PDE8A: variants seen among roughly 807,000 people sequenced by gnomAD.
PDE8A encodes high affinity cAMP-specific and IBMX-insensitive 3',5'-cyclic phosphodiesterase 8A.
In PDE8A, 59 loss-of-function variants were observed where a neutral mutation model predicts 105.0. That is an observed-to-expected ratio of 0.56 (90% CI 0.46 to 0.70). The LOEUF is 0.70. Among genes scored for constraint, PDE8A ranks in the 30% least tolerant of loss-of-function variants. The pLI is 0.00. For synonymous variants in PDE8A, 355 were observed against 371.9 expected (o/e 0.95, Z 0.52); for missense variants, 1,014 against 1,045.9 (o/e 0.97, Z 0.42).
chr15:85,101,530 C>G (rs935266415), intron 11 of PDE8A, among the ~76,000 whole-genome samples: 1 of 152,152 alleles, frequency 6.6e-6, no homozygotes, highest in African/African-American at 2.4e-5. Context: ...TCCTTAAATG[C>G]TAGGTGGGAA....
intron 18 of PDE8A, among the ~76,000 whole-genome samples, chr15:85,122,782 T>C (rs2082201772): frequency 6.6e-6 from 1 of 152,200 alleles, no homozygotes; most frequent in African/African-American, 2.4e-5. Flanking sequence ...GTATATTCTT[T>C]CTAACCACAG....
intron 11 of PDE8A, among the ~76,000 whole-genome samples, chr15:85,103,226 G>C (rs1413820625): frequency 1.3e-5 from 2 of 152,140 alleles, no homozygotes. Context: ...TCTAAAAAAA[G>C]AAAAAAGTTG....
intron 1 of PDE8A, among the ~76,000 whole-genome samples, chr15:85,004,019 C>T (rs777308855): frequency 1.3e-5 from 2 of 152,160 alleles, no homozygotes; most frequent in Non-Finnish European, 2.9e-5. Flanking sequence ...TAGAAGTGGT[C>T]CATGTCAGAT....
At chr15:84,991,015 G>A (rs1007433985) in intron 1 of PDE8A, among the ~76,000 whole-genome samples, 8 of 152,080 alleles carry the variant, frequency 5.3e-5, no homozygotes, top group African/African-American at 1.9e-4. Context: ...TGTGCTTGTT[G>A]TTCATTTACT....
At chr15:85,121,850 A>G (rs551402057) in intron 18 of PDE8A, among the ~76,000 whole-genome samples, 1 of 152,274 alleles carries the variant, frequency 6.6e-6, no homozygotes, top group East Asian at 1.9e-4. Context: ...CCATTTCTGG[A>G]CATTTTATGT....
intron 1 of PDE8A, among the ~76,000 whole-genome samples, chr15:85,017,744 G>A (rs1398586059): frequency 3.9e-5 from 6 of 152,014 alleles, no homozygotes; most frequent in East Asian, 3.9e-4. Context: ...AATATTAGCC[G>A]GGTGTGGTGG....
At chr15:85,006,051 A>G (rs560650734) in intron 1 of PDE8A, among the ~76,000 whole-genome samples, 4 of 151,086 alleles carry the variant, frequency 2.6e-5, no homozygotes, top group African/African-American at 7.2e-5. Context: ...GGAGAAGTAC[A>G]GTTTCTGAGC....
intron 1 of PDE8A, among the ~76,000 whole-genome samples, chr15:85,021,767 G>A (rs761893541): frequency 1.3e-5 from 2 of 152,084 alleles, no homozygotes; most frequent in Admixed American, 6.5e-5. Context: ...TGAAGAGTAC[G>A]GAACAGTTAT....
upstream of PDE8A, among the ~76,000 whole-genome samples, chr15:84,981,406 C>T (rs895663616): frequency 6.6e-6 from 1 of 151,734 alleles, no homozygotes; most frequent in Non-Finnish European, 1.5e-5. Context: ...CGGAGCCGTA[C>T]CGCCAGCAAC....
chr15:85,021,731 C>T (rs570532914), intron 1 of PDE8A, among the ~76,000 whole-genome samples: 1 of 152,130 alleles, frequency 6.6e-6, no homozygotes, highest in African/African-American at 2.4e-5. Context: ...TTCTTAAGTA[C>T]CTGTCCATTG....
intron 8 of PDE8A, among the ~76,000 whole-genome samples, chr15:85,092,246 G>A (rs537735964): frequency 2.6e-5 from 4 of 152,164 alleles, no homozygotes; most frequent in Non-Finnish European, 5.9e-5. Flanking sequence ...GGGGCCCAGT[G>A]AAGCCCTGCC....
At chr15:85,038,241 G>A (rs1040090524) in intron 1 of PDE8A, among the ~76,000 whole-genome samples, 1 of 117,964 alleles carries the variant, frequency 8.5e-6, no homozygotes, top group Non-Finnish European at 2.0e-5. Context: ...GTGTGTGTGT[G>A]TGTGTGTGTG....
At chr15:84,995,278 G>A (rs988883933) in intron 1 of PDE8A, among the ~76,000 whole-genome samples, 6 of 149,378 alleles carry the variant, frequency 4.0e-5, no homozygotes, top group Non-Finnish European at 8.9e-5. Flanking sequence ...AGTTTTGCCT[G>A]TTCTAATTTT....
At chr15:85,109,275 C>G in intron 12 of PDE8A, 145 bp downstream of exon 12, 5 of 523,178 alleles carry the variant, frequency 9.6e-6, no homozygotes, top group Admixed American at 3.4e-5. Context: ...TTCCCTTTCT[C>G]CCTCTCTGTG....
intron 18 of PDE8A, among the ~76,000 whole-genome samples, chr15:85,122,786 AC>A (rs1390911408): frequency 1.3e-5 from 2 of 152,216 alleles, no homozygotes; most frequent in Non-Finnish European, 2.9e-5. Flanking sequence ...ATTCTTTCTA[AC>A]CACAGATTTC....
intron 1 of PDE8A, among the ~76,000 whole-genome samples, chr15:85,049,790 C>T (rs1432571957): frequency 6.6e-6 from 1 of 152,228 alleles, no homozygotes; most frequent in Non-Finnish European, 1.5e-5. Context: ...CTGTTATGAA[C>T]ATGTGCATAC....
chr15:85,017,883 G>A (rs1182920657), intron 1 of PDE8A, among the ~76,000 whole-genome samples: 4 of 9,086 alleles, frequency 4.4e-4, no homozygotes, highest in East Asian at 1.2e-3. Flanking sequence ...GCGAAACTCC[G>A]TCTCAAAAAA....
At chr15:85,120,082 G>C (rs2082156862) in intron 17 of PDE8A, 1 of 148,762 alleles carries the variant, frequency 6.7e-6, no homozygotes, top group African/African-American at 2.5e-5. Context: ...TAAATCAAAA[G>C]CTTTAAAATA....
chr15:85,123,360 ACACACACACACACAC>A (rs2082212288), intron 19 of PDE8A, among the ~76,000 whole-genome samples, 167 bp downstream of exon 19: 2 of 148,844 alleles, frequency 1.3e-5, no homozygotes, highest in African/African-American at 5.1e-5. Flanking sequence ...ACACACACAC[ACACACACACACACAC>A]ACACACACAC....
Sources: gnomAD v4.1 joint callset for allele counts (sites outside exome capture counted in the v4.1 genomes callset) on GRCh38, gnomAD v4.1.1 for gene constraint, MANE v1.5 for transcripts, NCBI Gene and HGNC (gene_info 2026-07-23, HGNC 2026-07-21) for gene names.